The following COL2A1 variants were observed in gnomAD, a reference collection of about 807,000 sequenced individuals.
The protein encoded by COL2A1 is collagen type II alpha 1 chain.
A neutral mutation model predicts 204.5 loss-of-function variants in COL2A1; 28 were observed. The observed-to-expected ratio is 0.14, with a 90% CI of 0.10 to 0.19. The LOEUF (loss-of-function observed/expected upper bound fraction) is 0.19. COL2A1 is among the 10% of genes least tolerant of loss of function. COL2A1 has a pLI of 1.00. For missense variants in COL2A1, 1,388 were observed against 2,027.5 expected, an observed-to-expected ratio of 0.68 and a Z score of 6.06; for synonymous variants, 708 against 718.7, an observed-to-expected ratio of 0.99 and a Z score of 0.24.
At chr12:47,975,201 C>T (rs1221495957) in intron 51 of COL2A1, 116 bp downstream of exon 51, 33 of 1,331,262 alleles carry the variant, frequency 2.5e-5, no homozygotes, top group Middle Eastern at 2.5e-4. Flanking sequence ...AACCCTCTGG[C>T]GGAAACTTCC....
rs775473371 is a variant in COL2A1, at chr12:47,987,309, T to C, written c.1226A>G (p.Asn409Ser). The change falls in exon 20 of 54, where the codon AAC becomes AGC. Residue 409 changes from asparagine to serine, a missense_variant. Around this residue, in one of 3 missense-constraint regions of COL2A1, gnomAD observed 884 missense variants for 1,415.8 expected, o/e 0.62. Transcript: ENST00000380518. The surrounding 1 kb of genome is among the most constrained non-coding windows in gnomAD (Gnocchi z 4.1). ...TCCAGGAATTCCATCTGTTCCAGGG[T>C]TACCCTGAAAAGGGAGACATTGTCA... is the stretch of plus-strand genomic sequence containing the variant. ...GSPGPAGASG[N>S]PGTDGIPGAK... 19 of 1,613,938 alleles carry C rather than the reference T, an allele frequency of 1.2e-5. No individual in the cohort carries two copies. The South Asian group carries it at 2.0e-4, about 17-fold the overall frequency.
chr12:47,998,432 C>T lies in COL2A1; in HGVS notation c.293-1G>A. On this transcript the variant is annotated splice_acceptor_variant, in intron 2 of 53. Coordinates refer to ENST00000380518, the MANE Select transcript of COL2A1 (RefSeq NM_001844.5). LOFTEE classifies it high-confidence loss of function. ...GCCCTTACCTTTGGTCCTGGTTGCC[C>T]TGCAAGGGAAAAAATATAGAGAAGA... 1 of 1,611,032 alleles carries T rather than the reference C, an allele frequency of 6.2e-7. No individual in the cohort carries two copies. Among genetic ancestry groups the T allele is most frequent in the Non-Finnish European group, 8.5e-7 (1 of 1,178,296 alleles).
In COL2A1 at chr12:47,983,870, T is replaced by A. The variant is rs77169216; in HGVS notation, c.1942-134A>T. On this transcript the variant is annotated intron_variant, in intron 29 of 53. Transcript: ENST00000380518. ...CTGCACCACTCAGACAGTGCATGCA[T>A]GCCTCCCTGCACTCCCATCAGCCAC... 14,391 of 1,000,170 alleles carry A rather than the reference T, an allele frequency of 0.014. 684 individuals carry two copies. The highest frequency in any genetic ancestry group is 0.11 in the South Asian group (7,645 of 72,638). The allele number at this position is 1,000,170 out of a possible 1,614,324, so 62.0% of individuals were successfully genotyped here. A position where few individuals can be genotyped will look rare whatever the true frequency, so the allele number is the denominator to read the frequency against.
chr12:47,975,410 GGTT>G lies in COL2A1; in HGVS notation c.3790_3792del (p.Asn1264del), dbSNP rs1412877614. ...TCGGGGCTGCGGATGCTCTCAATCT[GGTT>G]GTTGAGGGACTTGAGTGTGGCATCC... is the stretch of plus-strand genomic sequence containing the variant. On this transcript the variant is annotated inframe_deletion, in exon 51 of 54. Coordinates refer to ENST00000380518, the MANE Select transcript of COL2A1 (RefSeq NM_001844.5). 6.2e-7 allele frequency: 1 copy of G among 1,614,068 alleles called. No individual in the cohort carries two copies. Among genetic ancestry groups the G allele is most frequent in the African/African-American group, 1.3e-5 (1 of 74,934 alleles).
chr12:47,991,265 C>T (rs1939688982), intron 16 of COL2A1, among the ~76,000 whole-genome samples: 1 of 152,152 alleles, frequency 6.6e-6, no homozygotes, highest in Non-Finnish European at 1.5e-5. Context: ...TCTGAGAGGC[C>T]AGAACTAGGC....
upstream of COL2A1, among the ~76,000 whole-genome samples, chr12:48,005,071 T>G (rs982809125): frequency 6.6e-6 from 1 of 152,004 alleles, no homozygotes; most frequent in African/African-American, 2.4e-5. Context: ...CTGCAGTACC[T>G]GGTCCCCAGA....
Position 47,980,973 on chromosome 12 carries a change from G to A in COL2A1, c.2464-5C>T, listed in dbSNP as rs1356170472. On this transcript the variant is annotated splice_region_variant and splice_polypyrimidine_tract_variant and intron_variant, in intron 37 of 53. Coordinates refer to ENST00000380518, the MANE Select transcript of COL2A1 (RefSeq NM_001844.5). The surrounding 1 kb of genome is among the most constrained non-coding windows in gnomAD (Gnocchi z 4.5). Reference sequence around the variant, plus strand: ...CCCAGTCTCTCCACGTTCACCCTGTGAGAGAAGGGGGCATGGCGAGAGGTC... The same window carrying A: ...CCCAGTCTCTCCACGTTCACCCTGTAAGAGAAGGGGGCATGGCGAGAGGTC... 1 of 1,551,148 alleles carries A rather than the reference G, an allele frequency of 6.4e-7. No individual in the cohort carries two copies. The highest frequency in any genetic ancestry group is 2.0e-5 in the Admixed American group (1 of 51,050).
At chr12:47,975,916 G>A (rs200431123) in intron 50 of COL2A1, 47 bp downstream of exon 50, 64 of 1,441,590 alleles carry the variant, frequency 4.4e-5, no homozygotes, top group African/African-American at 1.3e-4. Context: ...CAAGCCTCCC[G>A]GATGGTAGGG....
At chr12:47,996,476 G>A (rs751282607) in intron 8 of COL2A1, 72 bp downstream of exon 8, 1 of 1,225,900 alleles carries the variant, frequency 8.2e-7, no homozygotes, top group South Asian at 1.2e-5. Flanking sequence ...AGCAGAGGTT[G>A]TCAGACTCTC....
At chr12:47,999,298 G>C (rs752786072) in intron 2 of COL2A1, among the ~76,000 whole-genome samples, 9 of 152,132 alleles carry the variant, frequency 5.9e-5, no homozygotes, top group Non-Finnish European at 1.3e-4. Flanking sequence ...CAGATACATG[G>C]GGCTCTGTCT....
rs910692245 is a variant in COL2A1, at chr12:47,994,130, T to C, written c.817-83A>G. 5 of 1,483,190 alleles carry C rather than the reference T, an allele frequency of 3.4e-6. No homozygotes were observed. The African/African-American group carries it at 4.2e-5, about 12-fold the overall frequency. The allele number at this position is 1,483,190 out of a possible 1,614,324, so 91.9% of individuals were successfully genotyped here. Reference sequence around the variant, plus strand: ...CCTGGGCTGCAGGAGGGCCTCCAGTTCCCTTGGGCCACCAGGGCGTTGTCT... The same window carrying C: ...CCTGGGCTGCAGGAGGGCCTCCAGTCCCCTTGGGCCACCAGGGCGTTGTCT... On this transcript the variant is annotated intron_variant, in intron 12 of 53. Coordinates refer to ENST00000380518, the MANE Select transcript of COL2A1 (RefSeq NM_001844.5).
In COL2A1 at chr12:47,982,060, G is replaced by C. The variant is rs545508642; in HGVS notation, c.2355+47C>G. 18 of 1,580,056 alleles carry C rather than the reference G, an allele frequency of 1.1e-5. 1 individual carries two copies. The South Asian group carries it at 2.0e-4, about 17-fold the overall frequency. On this transcript the variant is annotated intron_variant, in intron 35 of 53. Transcript: ENST00000380518. ...CTCTCTCCTGCTCTCCTGGGTGCAGGGCTAGGATCCTAATGCCCAGCAGTC... is the reference window on the plus strand; with the variant it reads ...CTCTCTCCTGCTCTCCTGGGTGCAGCGCTAGGATCCTAATGCCCAGCAGTC...
chr12:47,975,513 C>T lies in COL2A1; in HGVS notation c.3690G>A (p.Glu1230=). 1 of 1,611,140 alleles carries T rather than the reference C, an allele frequency of 6.2e-7. No individual in the cohort carries two copies. The highest frequency in any genetic ancestry group is 1.1e-5 in the South Asian group (1 of 91,076). The change falls in exon 51 of 54, where the codon GAG becomes GAA. Residue 1230 remains glutamate (E), a synonymous_variant. Transcript: ENST00000380518. ...TGTACTGCAGGGGGTCGGGGCCCTT[C>T]TCTCTCGGGCCTAAGCCAGCAAAGG... The part of the protein sequence containing the change: ...MSAFAGLGPR[E]KGPDPLQYMR...
At position 47,978,282 on chromosome 12, in the gene COL2A1, C is replaced by T. The variant is rs200403247; in HGVS notation, c.3003+9G>A. 470 of 1,613,688 alleles carry T rather than the reference C, an allele frequency of 2.9e-4. 1 individual carries two copies. In the African/African-American group the frequency reaches 5.5e-3, roughly 19 times the overall value. On this transcript the variant is annotated intron_variant, in intron 43 of 53. Coordinates refer to ENST00000380518, the MANE Select transcript of COL2A1 (RefSeq NM_001844.5). The surrounding 1 kb of genome is among the most constrained non-coding windows in gnomAD (Gnocchi z 5.5). The stretch of plus-strand genomic sequence containing the variant: ...AGCTTGGATGGAGGGAGGGATACCC[C>T]ACACTCACCGACGGGCCAGGCAAGC...
rs779163803 is a variant in COL2A1, at chr12:47,983,382, C to G, written c.2049+3G>C. The G allele has an allele frequency of 3.7e-6, 6 of 1,613,926 alleles. No individual in the cohort carries two copies. Among genetic ancestry groups the G allele is most frequent in the Non-Finnish European group, 5.1e-6 (6 of 1,179,916 alleles). On this transcript the variant is annotated splice_donor_region_variant and intron_variant, in intron 31 of 53. Coordinates refer to ENST00000380518, the MANE Select transcript of COL2A1 (RefSeq NM_001844.5). ...TTGCAGGTCCAAAGAGCCCCATACT[C>G]ACCTGGTCACCTGGTTTTCCACCTT...
At chr12:47,984,276 C>G in intron 28 of COL2A1, 136 bp from the exon 29 acceptor site, 1 of 817,958 alleles carries the variant, frequency 1.2e-6, no homozygotes, top group East Asian at 2.7e-5. Flanking sequence ...CATTTCCACA[C>G]CTTCCCCTCC....
At position 47,978,440 on chromosome 12, in the gene COL2A1, A is replaced by T. The variant is rs1024341950; in HGVS notation, c.2896-42T>A. ...AGGAGATGAGAACTGACAGTGGCCCAGCCTCTTCTGTCCTCTCAGCACAGC... is the reference window on the plus strand; with the variant it reads ...AGGAGATGAGAACTGACAGTGGCCCTGCCTCTTCTGTCCTCTCAGCACAGC... On this transcript the variant is annotated intron_variant, in intron 42 of 53. Transcript: ENST00000380518. This position sits in a 1 kb window ranked among gnomAD's most constrained non-coding sequence, Gnocchi z 5.5. The T allele has an allele frequency of 6.2e-7, 1 of 1,600,204 alleles. No individual in the cohort carries two copies. The highest frequency in any genetic ancestry group is 1.7e-5 in the Admixed American group (1 of 59,052).
Position 47,976,747 on chromosome 12 carries a change from G to A in COL2A1, c.3435+65C>T. 1.3e-6 allele frequency: 2 copies of A among 1,487,300 alleles called. No homozygotes were observed. Among genetic ancestry groups the A allele is most frequent in the South Asian group, 1.2e-5 (1 of 85,686 alleles). The allele number at this position is 1,487,300 out of a possible 1,614,324, so 92.1% of individuals were successfully genotyped here. ...ATCCCAAGCTGTCCTGGCAGCACAG[G>A]GAGCTCAAGTGGGCTCTGTGTGGCA... On this transcript the variant is annotated intron_variant, in intron 48 of 53. Coordinates refer to ENST00000380518, the MANE Select transcript of COL2A1 (RefSeq NM_001844.5). This position sits in a 1 kb window ranked among gnomAD's most constrained non-coding sequence, Gnocchi z 4.3.
chr12:47,978,531 T>C lies in COL2A1; in HGVS notation c.2895+66A>G. 6.2e-7 allele frequency: 1 copy of C among 1,604,072 alleles called. No homozygotes were observed. The highest frequency in any genetic ancestry group is 8.5e-7 in the Non-Finnish European group (1 of 1,173,742). On this transcript the variant is annotated intron_variant, in intron 42 of 53. Coordinates refer to ENST00000380518, the MANE Select transcript of COL2A1 (RefSeq NM_001844.5). This position sits in a 1 kb window ranked among gnomAD's most constrained non-coding sequence, Gnocchi z 5.5. The stretch of plus-strand genomic sequence containing the variant: ...CTGCTCCCTCCTACCCCATGCTCTG[T>C]GAGCTCAGAAGCCACTCACGACCCT...
Sources: allele counts gnomAD v4.1 joint callset (sites outside exome capture counted in the v4.1 genomes callset), GRCh38; gene constraint gnomAD v4.1.1; regional missense constraint gnomAD v4.1.1; non-coding constraint Gnocchi (gnomAD v3.1); transcripts MANE v1.5; gene names NCBI Gene and HGNC (gene_info 2026-07-23, HGNC 2026-07-21).